Variants in LRP3 observed in about 807,000 individuals in gnomAD.
LRP3 encodes the protein low-density lipoprotein receptor-related protein 3.
LRP3 carries 49 observed loss-of-function variants against 58.5 expected under a neutral mutation model. The ratio of observed to expected loss-of-function variants is 0.84; its 90% CI spans 0.67 to 1.06. The LOEUF is 1.06. LRP3 is among the 50% of genes least tolerant of loss of function. The pLI is 0.00. For missense variants in LRP3, 1,019 were observed against 1,134.2 expected, an observed-to-expected ratio of 0.90 and a Z score of 1.46; for synonymous variants, 485 against 492.2, an observed-to-expected ratio of 0.99 and a Z score of 0.20.
chr19:33,200,219 T>G (rs1418582432), intron 2 of LRP3, among the ~76,000 whole-genome samples: 4 of 152,188 alleles, frequency 2.6e-5, no homozygotes, highest in East Asian at 3.9e-4. Flanking sequence ...TCTCTTCTTT[T>G]GGATTTCCTT....
At position 33,204,746 on chromosome 19, in the gene LRP3, C is replaced by A; in HGVS notation, c.369C>A (p.Ala123=). ...AGGCCTTCCGCCTCTGTGGCTCCGC[C>A]ATCCCACCTGCCTTCATCTCTGCCC... is the stretch of plus-strand genomic sequence containing the variant. ...RQEAFRLCGS[A]IPPAFISARD... is the part of the protein sequence containing the mutation. Residue 123 remains alanine, a synonymous_variant, in exon 4 of 7, where the codon GCC becomes GCA. Coordinates refer to ENST00000253193, the MANE Select transcript of LRP3 (RefSeq NM_002333.4). The A allele has an allele frequency of 6.2e-7, 1 of 1,612,672 alleles. No individual in the cohort carries two copies.
chr19:33,198,284 A>T (rs1287818512), intron 2 of LRP3, among the ~76,000 whole-genome samples: 1 of 152,166 alleles, frequency 6.6e-6, no homozygotes, highest in African/African-American at 2.4e-5. Context: ...GGTTGTCCTT[A>T]GCTGTCAAGA....
rs994590319 is a variant in LRP3 at position 33,208,678 on chromosome 19, GTTTA to G, written c.*1109_*1112del. ...ATAGCACGAGCGAACAGCCAGCCCT[GTTTA>G]TTTATAGGCCTTTTCAGGAAGAGCT... On this transcript the variant is annotated 3_prime_UTR_variant, in exon 7 of 7. Coordinates refer to ENST00000253193, the MANE Select transcript of LRP3 (RefSeq NM_002333.4). This position sits in a 1 kb window ranked among gnomAD's most constrained non-coding sequence, Gnocchi z 4.7. 1.8e-4 allele frequency: 114 copies of G among 640,046 alleles called. No individual in the cohort carries two copies. Among genetic ancestry groups the G allele is most frequent in the Non-Finnish European group, 2.8e-4 (105 of 375,386 alleles). 39.6% of individuals were successfully genotyped at this position (640,046 alleles called of 1,614,324 possible). A position where few individuals can be genotyped will look rare whatever the true frequency, so the allele number is the denominator to read the frequency against.
chr19:33,195,362 C>A (rs183120068), intron 1 of LRP3, among the ~76,000 whole-genome samples: 115 of 152,266 alleles, frequency 7.6e-4, no homozygotes, highest in Middle Eastern at 3.4e-3. Flanking sequence ...TGTCTCTCAG[C>A]CCCCAGGCAG....
intron 6 of LRP3, 47 bp downstream of exon 6, chr19:33,206,780 G>T: frequency 2.0e-6 from 3 of 1,490,422 alleles, no homozygotes; most frequent in Non-Finnish European, 2.7e-6. Context: ...ACTTGGGACA[G>T]TGTGCGGAGG....
intron 2 of LRP3, among the ~76,000 whole-genome samples, chr19:33,202,165 A>G (rs988035590): frequency 2.6e-5 from 4 of 152,200 alleles, no homozygotes; most frequent in African/African-American, 9.7e-5. Context: ...ACTTGTACTC[A>G]GGATAAAACT....
chr19:33,206,908 G>C (rs1362585765), intron 6 of LRP3, 80 bp from the exon 7 acceptor site: 1 of 1,227,882 alleles, frequency 8.1e-7, no homozygotes, highest in African/African-American at 1.5e-5. Context: ...TCCCTTGGGG[G>C]TGTGCTGTCT....
rs371871302 is a variant in LRP3 at position 33,202,830 on chromosome 19, G to A, written c.122-18G>A. On this transcript the variant is annotated intron_variant, in intron 2 of 6. Coordinates refer to ENST00000253193, the MANE Select transcript of LRP3 (RefSeq NM_002333.4). ...AACCAAAGATGGGCCGGCCTTTCTC[G>A]GCCTCCTCTCCCGACAGCGGCCTGC... 47 of 1,595,214 alleles carry A rather than the reference G, an allele frequency of 2.9e-5. No individual in the cohort carries two copies. The highest frequency in any genetic ancestry group is 3.6e-4 in the Middle Eastern group (2 of 5,604).
At chr19:33,197,678 G>A (rs1425776223) in intron 2 of LRP3, among the ~76,000 whole-genome samples, 1 of 152,126 alleles carries the variant, frequency 6.6e-6, no homozygotes, top group East Asian at 1.9e-4. Flanking sequence ...AGAACAATGG[G>A]GGCCTCTGAC....
In LRP3 at chr19:33,207,825, T is replaced by G; in HGVS notation, c.*250T>G. 2 of 534,030 alleles carry G rather than the reference T, an allele frequency of 3.7e-6. No homozygotes were observed. The highest frequency in any genetic ancestry group is 6.6e-6 in the Non-Finnish European group (2 of 303,638). 33.1% of individuals were successfully genotyped at this position (534,030 alleles called of 1,614,324 possible). A position where few individuals can be genotyped will look rare whatever the true frequency, so the allele number is the denominator to read the frequency against. On this transcript the variant is annotated 3_prime_UTR_variant, in exon 7 of 7. Coordinates refer to ENST00000253193, the MANE Select transcript of LRP3 (RefSeq NM_002333.4). ...TACACAAGCACCCTGGGGTCTCACT[T>G]CTCTCCCCCCACTCCATTCTGGGAA...
chr19:33,199,433 A>G, intron 2 of LRP3, among the ~76,000 whole-genome samples: 1 of 149,556 alleles, frequency 6.7e-6, no homozygotes, highest in Non-Finnish European at 1.5e-5. Context: ...TGATCGCACC[A>G]CTGCACTCCA....
intron 2 of LRP3, among the ~76,000 whole-genome samples, chr19:33,197,983 C>T (rs1464846133): frequency 6.6e-6 from 1 of 152,214 alleles, no homozygotes; most frequent in Non-Finnish European, 1.5e-5. Flanking sequence ...AGCCCCAGCC[C>T]TGTCTGCTGT....
In LRP3 at chr19:33,206,728, T is replaced by C. The variant is rs142918525; in HGVS notation, c.1720T>C (p.Ser574Pro). ...GGAGGACTTTCCTGTCTACAGTGCGTCCCAGGTGAGCCCCCGGAGGGCGTG... is the reference window on the plus strand; with the variant it reads ...GGAGGACTTTCCTGTCTACAGTGCGCCCCAGGTGAGCCCCCGGAGGGCGTG... The part of the protein sequence containing the change: ...PVEDFPVYSA[S>P]QASVLQNLRT... Residue 574 changes from serine to proline, a missense_variant, in exon 6 of 7, where the codon TCC becomes CCC. Around this residue, in one of 2 missense-constraint regions of LRP3, gnomAD observed 427 missense variants for 408.6 expected, o/e 1.04. Coordinates refer to ENST00000253193, the MANE Select transcript of LRP3 (RefSeq NM_002333.4). 2.3e-4 allele frequency: 352 copies of C among 1,517,850 alleles called. No homozygotes were observed. The highest frequency in any genetic ancestry group is 2.8e-4 in the Non-Finnish European group (320 of 1,133,614). 94.0% of individuals were successfully genotyped at this position (1,517,850 alleles called of 1,614,324 possible).
Position 33,207,356 on chromosome 19 carries a change from G to A in LRP3, c.2094G>A (p.Lys698=). The A allele has an allele frequency of 6.3e-7, 1 of 1,586,112 alleles. No individual in the cohort carries two copies. ...LRDPECRPVD[K]DRKVCREPLV... ...ACCCAGAGTGCAGGCCCGTGGACAA[G>A]GACAGAAAGGTCTGCAGGGAGCCAC... Residue 698 remains lysine (K), a synonymous_variant, in exon 7 of 7, where the codon AAG becomes AAA. Transcript: ENST00000253193.
intron 2 of LRP3, among the ~76,000 whole-genome samples, chr19:33,197,971 C>G (rs1236059477): frequency 6.6e-6 from 1 of 152,208 alleles, no homozygotes; most frequent in Non-Finnish European, 1.5e-5. Context: ...CAGCGCTGAC[C>G]TAGCCCCAGC....
rs768597836 is a variant in LRP3 at position 33,205,803 on chromosome 19, G to A, written c.1033G>A (p.Val345Met). 3 of 1,587,160 alleles carry A rather than the reference G, an allele frequency of 1.9e-6. No individual in the cohort carries two copies. Among genetic ancestry groups the A allele is most frequent in the Admixed American group, 1.7e-5 (1 of 57,538 alleles). ...SLEAAQGRLT[V>M]AYHARARSAG... Reference sequence around the variant, plus strand: ...GGAGGCCGCCCAGGGCCGCCTCACTGTGGCCTACCACGCGCGCGCCCGCAG... The same window carrying A: ...GGAGGCCGCCCAGGGCCGCCTCACTATGGCCTACCACGCGCGCGCCCGCAG... Residue 345 changes from valine (V) to methionine (M), a missense_variant, in exon 5 of 7, where the codon GTG (valine) becomes ATG (methionine). Val to Met is a conservative substitution (Grantham distance 21). Transcript: ENST00000253193.
chr19:33,199,066 G>A (rs186007537), intron 2 of LRP3, among the ~76,000 whole-genome samples: 2 of 152,278 alleles, frequency 1.3e-5, no homozygotes, highest in Non-Finnish European at 2.9e-5. Flanking sequence ...TTCTGCCTGA[G>A]AGAAGTCAGG....
intron 1 of LRP3, 71 bp from the exon 2 acceptor site, chr19:33,196,659 T>A: frequency 7.2e-7 from 1 of 1,396,028 alleles, no homozygotes; most frequent in Non-Finnish European, 1.0e-6. Context: ...AGCTGTGGTG[T>A]CCCTCATGGG....
intron 2 of LRP3, among the ~76,000 whole-genome samples, chr19:33,197,212 T>G (rs1472258391): frequency 1.2e-4 from 19 of 152,124 alleles, no homozygotes; most frequent in Admixed American, 1.2e-3. Context: ...TTTATTAATT[T>G]TCTTGAAAGG....
Sources: gnomAD v4.1 joint callset for allele counts (sites outside exome capture counted in the v4.1 genomes callset) on GRCh38, gnomAD v4.1.1 for gene constraint, gnomAD v4.1.1 regional missense constraint, Gnocchi (gnomAD v3.1) non-coding constraint, MANE v1.5 for transcripts, NCBI Gene and HGNC (gene_info 2026-07-23, HGNC 2026-07-21) for gene names.